PPFIA3: variants seen among roughly 807,000 people sequenced by gnomAD.
The protein encoded by PPFIA3 is PPFI scaffold protein A3, also known as liprin-alpha-3.
A neutral mutation model predicts 145.8 loss-of-function variants in PPFIA3; 26 were observed. The ratio of observed to expected loss-of-function variants is 0.18; its 90% CI spans 0.13 to 0.25. The LOEUF is 0.25. Among genes scored for constraint, PPFIA3 ranks in the 10% least tolerant of loss-of-function variants. PPFIA3 has a pLI of 1.00. For missense variants in PPFIA3, 1,008 were observed against 1,587.8 expected, an observed-to-expected ratio of 0.63 and a Z score of 6.21; for synonymous variants, 645 against 661.4, an observed-to-expected ratio of 0.98 and a Z score of 0.38.
rs139595533 is a variant in PPFIA3 at position 49,121,708 on chromosome 19, G to A, written c.-16+1986G>A. ...GGAGAGTCGTTTGAACCCCGGAGGC[G>A]GAGGTTGCATTGAGCTGAGATCGTG... is the stretch of plus-strand genomic sequence containing the variant. On this transcript the variant is annotated intron_variant, in intron 1 of 29. Transcript: ENST00000334186. Among the ~76,000 whole-genome samples, 541 of 152,246 alleles carry A rather than the reference G, an allele frequency of 3.6e-3. 7 individuals carry two copies. The highest frequency in any genetic ancestry group is 0.013 in the African/African-American group (521 of 41,568).
At chr19:49,121,167 G>C (rs1320270914) in intron 1 of PPFIA3, among the ~76,000 whole-genome samples, 1 of 152,138 alleles carries the variant, frequency 6.6e-6, no homozygotes, top group Non-Finnish European at 1.5e-5. Context: ...TGCCCCCTGA[G>C]GCTCAGATGA....
intron 15 of PPFIA3, among the ~76,000 whole-genome samples, chr19:49,137,679 C>T (rs530249541): frequency 4.0e-4 from 56 of 141,620 alleles, no homozygotes; most frequent in African/African-American, 2.4e-4. Flanking sequence ...TATTAAGAAG[C>T]CCCCAGTGAT....
chr19:49,142,698 C>A, intron 20 of PPFIA3, 106 bp from the exon 21 acceptor site: 1 of 961,794 alleles, frequency 1.0e-6, no homozygotes, highest in Non-Finnish European at 1.6e-6. Flanking sequence ...GTCTCTGTTT[C>A]GCTCCCCACC....
chr19:49,134,907 C>A lies in PPFIA3; in HGVS notation c.1512C>A (p.Ser504=). Residue 504 remains serine (S), a synonymous_variant, in exon 13 of 30, where the codon TCC becomes TCA. Transcript: ENST00000334186. ...IDQLRGRPPS[S]YSRSLPGSAL... is the part of the protein sequence containing the mutation. ...AGCTGCGGGGGAGGCCACCATCCTC[C>A]TACTCCAGGTGACAGCAGCCCTTCT... 1 of 1,568,114 alleles carries A rather than the reference C, an allele frequency of 6.4e-7. No individual in the cohort carries two copies. The highest frequency in any genetic ancestry group is 8.7e-7 in the Non-Finnish European group (1 of 1,155,024).
At chr19:49,142,267 G>C (rs1225896358) in intron 20 of PPFIA3, 152 bp downstream of exon 20, 5 of 659,338 alleles carry the variant, frequency 7.6e-6, no homozygotes, top group Non-Finnish European at 1.3e-5. Context: ...AGGAGGGCTC[G>C]GGCTTCCTGT....
At position 49,135,898 on chromosome 19, in the gene PPFIA3, C is replaced by T. The variant is rs745872751; in HGVS notation, c.1640C>T (p.Ser547Leu). ...SGRAGKRGRWSGVKEEPSKDW... is the reference protein window; with the variant it reads ...SGRAGKRGRWLGVKEEPSKDW... ...CGGGCAGGCAAGAGGGGCCGCTGGT[C>T]AGGGGTCAAGGAGGAGCCCTCCAAG... Residue 547 changes from serine (S) to leucine (L), a missense_variant, in exon 14 of 30, where the codon TCA becomes TTA. By Grantham distance (145) the Ser-to-Leu change is moderately radical (BLOSUM62 -2). This residue lies in a region of PPFIA3 where 121 missense variants were observed against 138.2 expected (regional missense o/e 0.88). Coordinates refer to ENST00000334186, the MANE Select transcript of PPFIA3 (RefSeq NM_003660.4). 1 of 1,612,976 alleles carries T rather than the reference C, an allele frequency of 6.2e-7. No homozygotes were observed. Among genetic ancestry groups the T allele is most frequent in the East Asian group, 2.2e-5 (1 of 44,858 alleles).
In PPFIA3 at chr19:49,142,797, G is replaced by T; in HGVS notation, c.2545-7G>T. Reference sequence around the variant, plus strand: ...GTCCCCTCTGTCCCTCTGTCCCTCCGCTGCAGCTGTGGGTGGGCATGCCTG... The same window carrying T: ...GTCCCCTCTGTCCCTCTGTCCCTCCTCTGCAGCTGTGGGTGGGCATGCCTG... On this transcript the variant is annotated splice_region_variant and splice_polypyrimidine_tract_variant and intron_variant, in intron 20 of 29. Coordinates refer to ENST00000334186, the MANE Select transcript of PPFIA3 (RefSeq NM_003660.4). 1 of 1,563,642 alleles carries T rather than the reference G, an allele frequency of 6.4e-7. No individual in the cohort carries two copies. Among genetic ancestry groups the T allele is most frequent in the Non-Finnish European group, 8.7e-7 (1 of 1,152,514 alleles).
Position 49,136,507 on chromosome 19 carries a change from C to T in PPFIA3, c.1666-217C>T, listed in dbSNP as rs376859551. ...AGGAGACTGAGGCAGAAGAATCGTT[C>T]GAACCTGGGAGGCGTAACCCGAGAT... On this transcript the variant is annotated intron_variant, in intron 14 of 29. Transcript: ENST00000334186. 7.9e-5 allele frequency among the ~76,000 whole-genome samples: 12 copies of T among 152,190 alleles called. No individual in the cohort carries two copies. The East Asian group carries it at 1.9e-3, about 24-fold the overall frequency.
At position 49,147,393 on chromosome 19, in the gene PPFIA3, TAAAC is replaced by T. The variant is rs549502802; in HGVS notation, c.2836-686_2836-683del. Reference sequence around the variant, plus strand: ...ATAGTAAGACCCTGTCTCTAAAAAATAAACAAATACAGCCAGGCGCGGTGGCTCA... The same window carrying T: ...ATAGTAAGACCCTGTCTCTAAAAAATAAATACAGCCAGGCGCGGTGGCTCA... On this transcript the variant is annotated intron_variant, in intron 23 of 29. Transcript: ENST00000334186. 2.3e-3 allele frequency among the ~76,000 whole-genome samples: 342 copies of T among 151,970 alleles called. 1 individual carries two copies. The highest frequency in any genetic ancestry group is 0.014 in the Middle Eastern group (4 of 294).
At position 49,139,760 on chromosome 19, in the gene PPFIA3, T is replaced by C. The variant is rs751283986; in HGVS notation, c.2169T>C (p.Arg723=). 1.2e-6 allele frequency: 2 copies of C among 1,613,910 alleles called. No homozygotes were observed. Among genetic ancestry groups the C allele is most frequent in the Non-Finnish European group, 1.7e-6 (2 of 1,179,914 alleles). ...DTPPPTPRSA[R]LERMTQALAL... ...CACCACCCACTCCCCGCTCTGCCCG[T>C]CTTGAGAGAATGACCCAGGCCTTGG... Residue 723 remains arginine, a synonymous_variant, in exon 17 of 30, where the codon CGT becomes CGC. Transcript: ENST00000334186.
intron 21 of PPFIA3, among the ~76,000 whole-genome samples, chr19:49,144,099 G>C (rs908615037): frequency 6.6e-6 from 1 of 151,958 alleles, no homozygotes; most frequent in African/African-American, 2.4e-5. Flanking sequence ...TCTGCCTCCT[G>C]GGTGCAAGCA....
rs1011542694 is a variant in PPFIA3 at position 49,129,437 on chromosome 19, G to A, written c.565G>A (p.Glu189Lys). Residue 189 changes from glutamate to lysine, a missense_variant, in exon 5 of 30, where the codon GAA becomes AAA. Glu to Lys is a moderately conservative substitution (Grantham distance 56). Transcript: ENST00000334186. ...CGTGGCAGTGCTCGAGGAGGAGCTGGAACTGAGCAATCAGGAGGTGTGGGT... is the reference window on the plus strand; with the variant it reads ...CGTGGCAGTGCTCGAGGAGGAGCTGAAACTGAGCAATCAGGAGGTGTGGGT... ...ERVAVLEEEL[E>K]LSNQETLNLR... 3.9e-6 allele frequency: 6 copies of A among 1,553,398 alleles called. No homozygotes were observed. The highest frequency in any genetic ancestry group is 1.4e-5 in the African/African-American group (1 of 73,512).
intron 25 of PPFIA3, 39 bp from the exon 26 acceptor site, chr19:49,148,954 C>T: frequency 6.2e-7 from 1 of 1,606,088 alleles, no homozygotes; most frequent in Non-Finnish European, 8.5e-7. Flanking sequence ...CTCTCCAGGC[C>T]ACGGGAGGGG....
rs532923244 is a variant in PPFIA3 at position 49,120,819 on chromosome 19, G to A, written c.-16+1097G>A. Among the ~76,000 whole-genome samples the A allele has an allele frequency of 2.4e-3, 363 of 152,190 alleles. No homozygotes were observed. The highest frequency in any genetic ancestry group is 8.3e-3 in the African/African-American group (345 of 41,530). On this transcript the variant is annotated intron_variant, in intron 1 of 29. Coordinates refer to ENST00000334186, the MANE Select transcript of PPFIA3 (RefSeq NM_003660.4). This position sits in a 1 kb window ranked among gnomAD's most constrained non-coding sequence, Gnocchi z 4.6. ...GAGTTCAGACCCCAGCTTCCGTACT[G>A]CCCACCAGCTTTTACTGAGGCTGTC... is the stretch of plus-strand genomic sequence containing the variant.
chr19:49,150,377 G>T lies in PPFIA3; in HGVS notation c.*155G>T. 1 of 463,984 alleles carries T rather than the reference G, an allele frequency of 2.2e-6. No homozygotes were observed. The highest frequency in any genetic ancestry group is 3.6e-5 in the East Asian group (1 of 28,078). The allele number at this position is 463,984 out of a possible 1,614,324, so 28.7% of individuals were successfully genotyped here. A position where few individuals can be genotyped will look rare whatever the true frequency, so the allele number is the denominator to read the frequency against. On this transcript the variant is annotated 3_prime_UTR_variant, in exon 30 of 30. Transcript: ENST00000334186. ...TGTACAGACCAGCGGGAGTGCGCGC[G>T]CCCGCCTCGCACAGGGCCGGGGCCT...
At chr19:49,136,333 A>G (rs1041806101) in intron 14 of PPFIA3, among the ~76,000 whole-genome samples, 1 of 152,220 alleles carries the variant, frequency 6.6e-6, no homozygotes, top group Non-Finnish European at 1.5e-5. Flanking sequence ...AGGGTGGCCC[A>G]TGCCTGTAAT....
At chr19:49,140,245 C>T (rs574308418) in intron 18 of PPFIA3, among the ~76,000 whole-genome samples, 157 bp downstream of exon 18, 15 of 152,136 alleles carry the variant, frequency 9.9e-5, no homozygotes, top group South Asian at 6.2e-4. Context: ...CCAAGGTAGG[C>T]GGGAGGAGGA....
rs760016931 is a variant in PPFIA3, at chr19:49,140,012, G to A, written c.2292G>A (p.Lys764=). Residue 764 remains lysine (K), a synonymous_variant, in exon 18 of 30, where the codon AAG becomes AAA. Coordinates refer to ENST00000334186, the MANE Select transcript of PPFIA3 (RefSeq NM_003660.4). ...LHKAPKKKSI[K]SSIGRLFGKK... ...AAGCCCCCAAGAAGAAGAGCATCAAGTCATCCATAGGCCGTCTCTTTGGCA... is the reference window on the plus strand; with the variant it reads ...AAGCCCCCAAGAAGAAGAGCATCAAATCATCCATAGGCCGTCTCTTTGGCA... 2 of 1,614,104 alleles carry A rather than the reference G, an allele frequency of 1.2e-6. No individual in the cohort carries two copies. Among genetic ancestry groups the A allele is most frequent in the East Asian group, 4.5e-5 (2 of 44,894 alleles).
intron 1 of PPFIA3, among the ~76,000 whole-genome samples, chr19:49,122,533 A>G (rs1194455344): frequency 6.6e-6 from 1 of 152,148 alleles, no homozygotes; most frequent in Non-Finnish European, 1.5e-5. Context: ...ACGTTGTTCT[A>G]GATTCCATTC....
Sources: allele counts gnomAD v4.1 joint callset (sites outside exome capture counted in the v4.1 genomes callset), GRCh38; gene constraint gnomAD v4.1.1; regional missense constraint gnomAD v4.1.1; non-coding constraint Gnocchi (gnomAD v3.1); transcripts MANE v1.5; gene names NCBI Gene and HGNC (gene_info 2026-07-23, HGNC 2026-07-21).